ZNF180: variants seen among roughly 807,000 people sequenced by gnomAD.
ZNF180 encodes zinc finger protein 180 (HHZ168).
In ZNF180, 11 loss-of-function variants were observed where a neutral mutation model predicts 11.8. The observed-to-expected ratio is 0.93, with a 90% CI of 0.59 to 1.55. The LOEUF (loss-of-function observed/expected upper bound fraction) is 1.55, where lower values mean the gene tolerates loss of function less well. ZNF180 is among the 40% of genes most tolerant of loss of function. ZNF180 has a pLI of 0.00. For synonymous variants in ZNF180, 287 were observed against 257.7 expected (o/e 1.11, Z -1.09); for missense variants, 773 against 781.7 (o/e 0.99, Z 0.13).
intron 2 of ZNF180, among the ~76,000 whole-genome samples, chr19:44,491,719 C>T (rs776265800): frequency 4.6e-5 from 7 of 152,022 alleles, no homozygotes; most frequent in Non-Finnish European, 8.8e-5. Flanking sequence ...TACAGAGGCA[C>T]GCCACCACAG....
At chr19:44,478,195 GA>G in intron 4 of ZNF180, 49 bp from the exon 5 acceptor site, 2 of 1,460,790 alleles carry the variant, frequency 1.4e-6, no homozygotes, top group Non-Finnish European at 1.8e-6. Flanking sequence ...ATTAGAGATG[GA>G]AAAATGGAAT....
chr19:44,489,008 G>C (rs1312168652), intron 2 of ZNF180, among the ~76,000 whole-genome samples: 1 of 151,014 alleles, frequency 6.6e-6, no homozygotes, highest in Non-Finnish European at 1.5e-5. Context: ...CCCTGTCTGG[G>C]AAGTGAGTAG....
chr19:44,477,297 T>G lies in ZNF180; in HGVS notation c.1103A>C (p.His368Pro). Residue 368 changes from histidine to proline, a missense_variant, in exon 5 of 5, where the codon CAC becomes CCC. Transcript: ENST00000592529. Reference protein sequence around the residue: ...ECGKSFSRSSHLVSHQRTHTG... With the variant: ...ECGKSFSRSSPLVSHQRTHTG... ...ATGAGTTCTCTGATGGGAAACAAGG[T>G]GCGAGCTCCGGCTGAAGGATTTTCC... 1 of 1,612,542 alleles carries G rather than the reference T, an allele frequency of 6.2e-7. No individual in the cohort carries two copies. Among genetic ancestry groups the G allele is most frequent in the Non-Finnish European group, 8.5e-7 (1 of 1,178,882 alleles).
rs147950861 is a variant in ZNF180, at chr19:44,482,267, C to T, written c.126+2094G>A. On this transcript the variant is annotated intron_variant, in intron 3 of 4. Transcript: ENST00000592529. ...AGGCTGCAGTGAGCCATGATCACAC[C>T]ATTGCAGTCCAGCCTGGGTAACTGG... Among the ~76,000 whole-genome samples, 1,078 of 152,298 alleles carry T rather than the reference C, an allele frequency of 7.1e-3. 4 individuals carry two copies. Among genetic ancestry groups the T allele is most frequent in the Non-Finnish European group, 0.011 (772 of 68,020 alleles).
intron 3 of ZNF180, among the ~76,000 whole-genome samples, chr19:44,482,373 C>T (rs1019272000): frequency 6.6e-6 from 1 of 152,068 alleles, no homozygotes; most frequent in African/African-American, 2.4e-5. Flanking sequence ...CCTATACATC[C>T]CTGTGTTAAT....
chr19:44,488,618 C>A (rs930589695), intron 2 of ZNF180, among the ~76,000 whole-genome samples: 2 of 152,014 alleles, frequency 1.3e-5, no homozygotes, highest in African/African-American at 4.8e-5. Context: ...TCGCTACAAC[C>A]TCCACCTCCC....
rs774216778 is a variant in ZNF180, at chr19:44,500,169, C to CAGAT, written c.-44+102_-44+105dup. ...ACCCGAGGCTAAAGCGCCACCCGCA[C>CAGAT]AGATACCAGGTCTCCCCGCTACACT... On this transcript the variant is annotated intron_variant, in intron 1 of 4. Transcript: ENST00000592529. The CAGAT allele has an allele frequency of 1.9e-5, 31 of 1,614,004 alleles. No homozygotes were observed. The African/African-American group carries it at 3.2e-4, about 17-fold the overall frequency.
rs1970216527 is a variant in ZNF180, at chr19:44,485,885, T to C, written c.52-1450A>G. ...ATTTTTATGTACATTCTTTTATTTT[T>C]GTTTTTTTAAAGGCAATATTTTTAA... On this transcript the variant is annotated intron_variant, in intron 2 of 4. Coordinates refer to ENST00000592529, the MANE Select transcript of ZNF180 (RefSeq NM_001278509.3). Among the ~76,000 whole-genome samples the C allele has an allele frequency of 2.6e-5, 4 of 152,340 alleles. 1 individual carries two copies. The highest frequency in any genetic ancestry group is 6.8e-3 in the Middle Eastern group (2 of 294).
intron 3 of ZNF180, among the ~76,000 whole-genome samples, chr19:44,480,868 T>A (rs1194351521): frequency 6.6e-6 from 1 of 152,110 alleles, no homozygotes. Flanking sequence ...GATTTTTGGA[T>A]TAGGGGTGCT....
At position 44,477,943 on chromosome 19, in the gene ZNF180, G is replaced by A. The variant is rs768704889; in HGVS notation, c.457C>T (p.Gln153Ter). The A allele has an allele frequency of 8.1e-6, 13 of 1,613,794 alleles. No individual in the cohort carries two copies. Among genetic ancestry groups the A allele is most frequent in the Non-Finnish European group, 1.1e-5 (13 of 1,179,960 alleles). The change falls in exon 5 of 5, where the codon CAA (glutamine) becomes TAA (stop). Residue 153 changes from glutamine (Q) to a stop codon, truncating the protein, a stop_gained. Transcript: ENST00000592529. LOFTEE classifies it low-confidence loss of function (END_TRUNC). Reference sequence around the variant, plus strand: ...CTCTCATGAATAACTGCTTTCCTTTGAGTGAATGCCACTTCCTGCAAAAGT... The same window carrying A: ...CTCTCATGAATAACTGCTTTCCTTTAAGTGAATGCCACTTCCTGCAAAAGT... ...EILLQEVAFTQRKAVIHERVC... is the reference protein window; with the variant it reads ...EILLQEVAFT
Position 44,476,682 on chromosome 19 carries a change from G to A in ZNF180, c.1718C>T (p.Thr573Ile). 6.2e-7 allele frequency: 1 copy of A among 1,614,224 alleles called. No homozygotes were observed. The highest frequency in any genetic ancestry group is 8.5e-7 in the Non-Finnish European group (1 of 1,180,032). ...ACTGCATTCATAGGGCTTTTCTCCA[G>A]TATGAGTTCTCTGATGTACAACAAG... ...YVLVVHQRTH[T>I]GEKPYECSQC... The change falls in exon 5 of 5, where the codon ACT becomes ATT. Residue 573 changes from threonine (T) to isoleucine (I), a missense_variant. By Grantham distance (89) the Thr-to-Ile change is moderately conservative. Coordinates refer to ENST00000592529, the MANE Select transcript of ZNF180 (RefSeq NM_001278509.3).
rs529074524 is a variant in ZNF180, at chr19:44,495,467, C to T, written c.51+1817G>A. Among the ~76,000 whole-genome samples, 30 of 152,166 alleles carry T rather than the reference C, an allele frequency of 2.0e-4. No individual in the cohort carries two copies. Among genetic ancestry groups the T allele is most frequent in the African/African-American group, 6.3e-4 (26 of 41,422 alleles). On this transcript the variant is annotated intron_variant, in intron 2 of 4. Transcript: ENST00000592529. This position sits in a 1 kb window ranked among gnomAD's most constrained non-coding sequence, Gnocchi z 4.5. ...CTGACACCCCTGCAGGCCACCCTCACGCATGATGCCCTCAACATGCTCATG... is the reference window on the plus strand; with the variant it reads ...CTGACACCCCTGCAGGCCACCCTCATGCATGATGCCCTCAACATGCTCATG...
intron 1 of ZNF180, 22 bp downstream of exon 1, chr19:44,500,253 G>A: frequency 6.2e-7 from 1 of 1,613,590 alleles, no homozygotes. Flanking sequence ...GACACCAAGC[G>A]CTGCCCCACG....
intron 3 of ZNF180, among the ~76,000 whole-genome samples, chr19:44,481,343 A>G (rs1970074896): frequency 6.6e-6 from 1 of 152,158 alleles, no homozygotes; most frequent in Admixed American, 6.5e-5. Flanking sequence ...TGAAACCTCA[A>G]ATGTTTTCAT....
At chr19:44,499,956 T>C (rs1970698677) in intron 1 of ZNF180, among the ~76,000 whole-genome samples, 1 of 152,232 alleles carries the variant, frequency 6.6e-6, no homozygotes, top group African/African-American at 2.4e-5. Flanking sequence ...CTCCACTAAA[T>C]AAGCCCGGCA....
chr19:44,480,724 T>G (rs1377587935), intron 3 of ZNF180, among the ~76,000 whole-genome samples: 1 of 152,218 alleles, frequency 6.6e-6, no homozygotes, highest in African/African-American at 2.4e-5. Flanking sequence ...TTTTATGCAA[T>G]TTTTAAAAAA....
rs746781416 is a variant in ZNF180 at position 44,478,049 on chromosome 19, C to T, written c.351G>A (p.Arg117=). 39 of 1,613,700 alleles carry T rather than the reference C, an allele frequency of 2.4e-5. No individual in the cohort carries two copies. The highest frequency in any genetic ancestry group is 1.7e-6 in the Non-Finnish European group (2 of 1,179,804). The change falls in exon 5 of 5, where the codon AGG becomes AGA. Residue 117 remains arginine (R), a synonymous_variant. Coordinates refer to ENST00000592529, the MANE Select transcript of ZNF180 (RefSeq NM_001278509.3). The stretch of plus-strand genomic sequence containing the variant: ...CACATGAAGATAACCAAGGATCATC[C>T]CTTGTAAACCTTTCTATCTTCACTC... ...ANGVKIERFT[R]DDPWLSSCEE...
chr19:44,477,588 C>T lies in ZNF180; in HGVS notation c.812G>A (p.Gly271Glu). Residue 271 changes from glycine (G) to glutamate (E), a missense_variant, in exon 5 of 5, where the codon GGA (glycine) becomes GAA (glutamate). Physicochemically the swap from Gly to Glu is moderately conservative, Grantham distance 98. Coordinates refer to ENST00000592529, the MANE Select transcript of ZNF180 (RefSeq NM_001278509.3). ...LHIHEKIHGG[G>E]KTFDFKECGQ... ...ACATTCTTTAAAATCAAAGGTTTTTCCTCCTCCATGAATTTTTTCATGTAT... is the reference window on the plus strand; with the variant it reads ...ACATTCTTTAAAATCAAAGGTTTTTTCTCCTCCATGAATTTTTTCATGTAT... 2 of 1,614,006 alleles carry T rather than the reference C, an allele frequency of 1.2e-6. No homozygotes were observed. The highest frequency in any genetic ancestry group is 1.7e-6 in the Non-Finnish European group (2 of 1,179,990).
intron 2 of ZNF180, among the ~76,000 whole-genome samples, chr19:44,488,240 T>G (rs1447963959): frequency 1.0e-5 from 1 of 99,262 alleles, no homozygotes; most frequent in Non-Finnish European, 2.0e-5. Context: ...CTCCCTCTCT[T>G]TCCACGGTCT....
Sources: gnomAD v4.1 joint callset for allele counts (sites outside exome capture counted in the v4.1 genomes callset) on GRCh38, gnomAD v4.1.1 for gene constraint, Gnocchi (gnomAD v3.1) non-coding constraint, MANE v1.5 for transcripts, NCBI Gene and HGNC (gene_info 2026-07-23, HGNC 2026-07-21) for gene names.